The following TMEM154 variants were observed in gnomAD, a reference collection of about 807,000 sequenced individuals.
TMEM154 encodes transmembrane protein 154.
In TMEM154, 27 loss-of-function variants were observed where a neutral mutation model predicts 24.5. That is an observed-to-expected ratio of 1.10 (90% confidence interval 0.81 to 1.52). The LOEUF (loss-of-function observed/expected upper bound fraction) is 1.52. Ranked by LOEUF, TMEM154 falls within the 40% of genes most tolerant of loss-of-function variation. TMEM154 has a pLI of 0.00. For missense variants in TMEM154, 228 were observed against 213.4 expected (o/e 1.07, Z -0.43); for synonymous variants, 67 against 76.8 (o/e 0.87, Z 0.67).
At chr4:152,654,236 C>G (rs996529456) in intron 1 of TMEM154, among the ~76,000 whole-genome samples, 3 of 152,078 alleles carry the variant, frequency 2.0e-5, no homozygotes, top group Non-Finnish European at 2.9e-5. Flanking sequence ...AGGAAAATAC[C>G]TCGTAAGTTG....
At chr4:152,638,886 C>G (rs35300841) in intron 6 of TMEM154, among the ~76,000 whole-genome samples, 2 of 152,092 alleles carry the variant, frequency 1.3e-5, no homozygotes, top group Non-Finnish European at 2.9e-5. Flanking sequence ...TAGACCTTCC[C>G]TTTTAAAACA....
intron 3 of TMEM154, chr4:152,647,016 T>C (rs1466779856): frequency 2.7e-6 from 2 of 728,376 alleles, no homozygotes; most frequent in South Asian, 2.9e-5. Flanking sequence ...GAGCAGAACA[T>C]CACGTTACTA....
intron 1 of TMEM154, among the ~76,000 whole-genome samples, chr4:152,665,552 T>G (rs756214158): frequency 1.1e-4 from 17 of 152,296 alleles, no homozygotes; most frequent in African/African-American, 2.9e-4. Context: ...AATCACACCT[T>G]CCTGAATAAG....
intron 1 of TMEM154, among the ~76,000 whole-genome samples, chr4:152,671,183 G>A (rs1188395619): frequency 6.6e-6 from 1 of 151,892 alleles, no homozygotes; most frequent in Non-Finnish European, 1.5e-5. Flanking sequence ...GCCCAACAGA[G>A]CTTGGCACAC....
chr4:152,633,167 T>A (rs1356360785), intron 6 of TMEM154, among the ~76,000 whole-genome samples: 1 of 152,204 alleles, frequency 6.6e-6, no homozygotes, highest in African/African-American at 2.4e-5. Context: ...CAAGAACTTG[T>A]TTAACTTAAA....
At chr4:152,670,945 TGC>T (rs1239817373) in intron 1 of TMEM154, among the ~76,000 whole-genome samples, 1 of 152,144 alleles carries the variant, frequency 6.6e-6, no homozygotes, top group Non-Finnish European at 1.5e-5. Context: ...GACGATGGCA[TGC>T]AAATCGGTAA....
chr4:152,642,776 G>T (rs1032611894), intron 5 of TMEM154, among the ~76,000 whole-genome samples: 2 of 152,118 alleles, frequency 1.3e-5, no homozygotes, highest in African/African-American at 4.8e-5. Context: ...ATTCTGTAAT[G>T]TATAAGGTAA....
intron 6 of TMEM154, 82 bp downstream of exon 6, chr4:152,640,845 TA>T: frequency 8.2e-7 from 1 of 1,213,640 alleles, no homozygotes; most frequent in Non-Finnish European, 1.2e-6. Flanking sequence ...ACGGAGGAGG[TA>T]AGCAAAAAGT....
At chr4:152,666,571 C>G (rs1018555531) in intron 1 of TMEM154, 2 of 152,130 alleles carry the variant, frequency 1.3e-5, no homozygotes, top group Non-Finnish European at 2.9e-5. Context: ...TTCAGCCTCT[C>G]AAAGTGCCAG....
chr4:152,668,055 C>T (rs1423287194), intron 1 of TMEM154, among the ~76,000 whole-genome samples: 2 of 152,312 alleles, frequency 1.3e-5, no homozygotes, highest in East Asian at 1.9e-4. Context: ...AGCTTGCTCA[C>T]ATTTAATCAG....
intron 1 of TMEM154, among the ~76,000 whole-genome samples, chr4:152,673,489 C>T (rs1234821960): frequency 2.0e-5 from 3 of 152,078 alleles, no homozygotes; most frequent in African/African-American, 4.8e-5. Context: ...TTAGTAGAGA[C>T]GGAATTTCAC....
chr4:152,630,116 C>G (rs1752006790), intron 6 of TMEM154, among the ~76,000 whole-genome samples: 1 of 151,800 alleles, frequency 6.6e-6, no homozygotes. Flanking sequence ...GAGTTTGAGA[C>G]CAGCCTGGGC....
chr4:152,627,430 GA>G lies in TMEM154; in HGVS notation c.*1115del, dbSNP rs1385538581. On this transcript the variant is annotated 3_prime_UTR_variant, in exon 7 of 7. Transcript: ENST00000304385. ...AGATTTAGAAAATTAAGGAATAAATGAAGAACAATTTTACTGGAGTAGGTGT... is the reference window on the plus strand; with the variant it reads ...AGATTTAGAAAATTAAGGAATAAATGAGAACAATTTTACTGGAGTAGGTGT... The G allele has an allele frequency of 6.6e-6, 1 of 152,220 alleles. No individual in the cohort carries two copies. Among genetic ancestry groups the G allele is most frequent in the African/African-American group, 2.4e-5 (1 of 41,466 alleles). The allele number at this position is 152,220 out of a possible 1,614,324, so 9.4% of individuals were successfully genotyped here.
chr4:152,625,855 A>C lies in TMEM154; in HGVS notation c.*2691T>G, dbSNP rs2149775819. 1 of 152,318 alleles carries C rather than the reference A, an allele frequency of 6.6e-6. No homozygotes were observed. The highest frequency in any genetic ancestry group is 3.4e-3 in the Middle Eastern group (1 of 294). The allele number at this position is 152,318 out of a possible 1,614,324, so 9.4% of individuals were successfully genotyped here. A position where few individuals can be genotyped will look rare whatever the true frequency, so the allele number is the denominator to read the frequency against. On this transcript the variant is annotated 3_prime_UTR_variant, in exon 7 of 7. Transcript: ENST00000304385. ...AGTTTGAAACCAGCCTGGGCAACAT[A>C]GTGAGACCCTGTCTTTAAAAAATAA...
chr4:152,667,821 T>G (rs1359602929), intron 1 of TMEM154, among the ~76,000 whole-genome samples: 4 of 152,242 alleles, frequency 2.6e-5, no homozygotes, highest in Non-Finnish European at 4.4e-5. Context: ...AAGGATTCTT[T>G]TTTCTGGTTT....
rs531278182 is a variant in TMEM154, at chr4:152,647,875, A to G, written c.365-3433T>C. Among the ~76,000 whole-genome samples the G allele has an allele frequency of 3.3e-5, 5 of 152,326 alleles. No individual in the cohort carries two copies. In the East Asian group the frequency reaches 9.6e-4, roughly 29 times the overall value. Reference sequence around the variant, plus strand: ...CCCATTTTACAGATGAAGAAACTTAATCAGAGAGTCACGGTGCCAGGAAGT... The same window carrying G: ...CCCATTTTACAGATGAAGAAACTTAGTCAGAGAGTCACGGTGCCAGGAAGT... On this transcript the variant is annotated intron_variant, in intron 3 of 6. Transcript: ENST00000304385.
intron 3 of TMEM154, among the ~76,000 whole-genome samples, chr4:152,651,920 G>C (rs1728391155): frequency 2.0e-5 from 3 of 152,200 alleles, no homozygotes; most frequent in Admixed American, 2.0e-4. Flanking sequence ...GTAGGGTTAT[G>C]AATTGGCCTA....
In TMEM154 at chr4:152,624,629, A is replaced by C. The variant is rs1166370386; in HGVS notation, c.*3917T>G. 6.6e-6 allele frequency: 1 copy of C among 152,072 alleles called. No individual in the cohort carries two copies. Among genetic ancestry groups the C allele is most frequent in the Non-Finnish European group, 1.5e-5 (1 of 68,016 alleles). 9.4% of individuals were successfully genotyped at this position (152,072 alleles called of 1,614,324 possible). On this transcript the variant is annotated 3_prime_UTR_variant, in exon 7 of 7. Coordinates refer to ENST00000304385, the MANE Select transcript of TMEM154 (RefSeq NM_152680.3). ...AAAAGAAAAATAAAAAAAAACACCC[A>C]AAAACTATCCCCAAGAGGACTAAGA...
intron 1 of TMEM154, among the ~76,000 whole-genome samples, chr4:152,667,525 A>T (rs1191160013): frequency 1.3e-5 from 2 of 152,200 alleles, no homozygotes; most frequent in African/African-American, 4.8e-5. Context: ...AAGAGGAGGG[A>T]TTGCTGTTTT....
Sources: gnomAD v4.1 joint callset for allele counts (sites outside exome capture counted in the v4.1 genomes callset) on GRCh38, gnomAD v4.1.1 for gene constraint, MANE v1.5 for transcripts, NCBI Gene and HGNC (gene_info 2026-07-23, HGNC 2026-07-21) for gene names.